The following ADI1 variants were observed in gnomAD, a reference collection of about 807,000 sequenced individuals.
ADI1 encodes acireductone dioxygenase 1.
In ADI1, 21 loss-of-function variants were observed where a neutral mutation model predicts 18.7. That is an observed-to-expected ratio of 1.13 (90% CI 0.80 to 1.62). ADI1 has a LOEUF of 1.62. Ranked by LOEUF, ADI1 falls within the 40% of genes most tolerant of loss-of-function variation. The probability of loss-of-function intolerance (pLI) is 0.00; values close to 1 mark genes in which losing one functional copy is unlikely to be tolerated. For missense variants in ADI1, 245 were observed against 254.9 expected, an observed-to-expected ratio of 0.96 and a Z score of 0.26; for synonymous variants, 90 against 100.1, an observed-to-expected ratio of 0.90 and a Z score of 0.60.
chr2:3,517,622 C>T (rs1225111466), intron 1 of ADI1: 3 of 152,054 alleles, frequency 2.0e-5, no homozygotes, highest in East Asian at 1.9e-4. Flanking sequence ...AAAATTAGCC[C>T]GGCATGGTGC....
chr2:3,519,176 G>T, intron 1 of ADI1, 192 bp downstream of exon 1: 1 of 788,080 alleles, frequency 1.3e-6, no homozygotes, highest in Non-Finnish European at 1.8e-6. Flanking sequence ...TGACCACCCA[G>T]CCCCACTGCT....
intron 2 of ADI1, among the ~76,000 whole-genome samples, chr2:3,512,517 G>A (rs1667312286): frequency 6.6e-6 from 1 of 152,170 alleles, no homozygotes; most frequent in Non-Finnish European, 1.5e-5. Flanking sequence ...AGATCAAAAG[G>A]GCCCAGGTAC....
rs777196905 is a variant in ADI1, at chr2:3,498,694, T to G, written c.*269A>C. On this transcript the variant is annotated 3_prime_UTR_variant, in exon 4 of 4. Coordinates refer to ENST00000327435, the MANE Select transcript of ADI1 (RefSeq NM_018269.4). ...GCATTTCGGGAGATGAAACTTTCAT[T>G]TGGGACTCAACTGAATGCATGAACT... 10 of 363,736 alleles carry G rather than the reference T, an allele frequency of 2.7e-5. No individual in the cohort carries two copies. Among genetic ancestry groups the G allele is most frequent in the African/African-American group, 1.9e-4 (9 of 47,972 alleles). 22.5% of individuals were successfully genotyped at this position (363,736 alleles called of 1,614,324 possible). A position where few individuals can be genotyped will look rare whatever the true frequency, so the allele number is the denominator to read the frequency against.
intron 1 of ADI1, among the ~76,000 whole-genome samples, chr2:3,519,011 C>T (rs1444184447): frequency 3.3e-5 from 5 of 151,536 alleles, no homozygotes; most frequent in African/African-American, 1.2e-4. Flanking sequence ...GCTGAGCATG[C>T]GCAGCCCACC....
At chr2:3,511,735 C>G (rs896340938) in intron 2 of ADI1, among the ~76,000 whole-genome samples, 1 of 152,100 alleles carries the variant, frequency 6.6e-6, no homozygotes, top group East Asian at 1.9e-4. Flanking sequence ...CAGAAGGAGA[C>G]AGGAAGATGA....
At chr2:3,509,866 G>A (rs977024728) in intron 2 of ADI1, among the ~76,000 whole-genome samples, 3 of 151,522 alleles carry the variant, frequency 2.0e-5, no homozygotes, top group Non-Finnish European at 2.9e-5. Flanking sequence ...TAGGCAGGCC[G>A]GGTGCGGTGG....
chr2:3,514,420 T>C (rs920763964), intron 1 of ADI1, among the ~76,000 whole-genome samples: 3 of 152,180 alleles, frequency 2.0e-5, no homozygotes, highest in Admixed American at 6.5e-5. Flanking sequence ...CAAATAAAAC[T>C]CAAGTTAATT....
Position 3,509,852 on chromosome 2 carries a change from A to AT in ADI1, c.240+4004_240+4005insA, listed in dbSNP as rs911737027. 2.0e-4 allele frequency among the ~76,000 whole-genome samples: 31 copies of AT among 151,766 alleles called. 1 individual carries two copies. In the East Asian group the frequency reaches 5.8e-3, roughly 28 times the overall value. On this transcript the variant is annotated intron_variant, in intron 2 of 3. Transcript: ENST00000327435. ...GCTACAAAAAATTAAAAAAAAAAAA[A>AT]AATTAGGCAGGCCGGGTGCGGTGGC...
Position 3,519,391 on chromosome 2 carries a change from G to T in ADI1, c.97C>A (p.Arg33=). 1 of 1,426,262 alleles carries T rather than the reference G, an allele frequency of 7.0e-7. No individual in the cohort carries two copies. Among genetic ancestry groups the T allele is most frequent in the Non-Finnish European group, 9.1e-7 (1 of 1,097,192 alleles). The allele number at this position is 1,426,262 out of a possible 1,614,324, so 88.4% of individuals were successfully genotyped here. A position where few individuals can be genotyped will look rare whatever the true frequency, so the allele number is the denominator to read the frequency against. The change falls in exon 1 of 4, where the codon CGG becomes AGG. Residue 33 remains arginine, a synonymous_variant. Transcript: ENST00000327435. ...GRPVGLEQLR[R]LGVLYWKLDA... Reference sequence around the variant, plus strand: ...ACCTTCCAGTAGAGCACCCCGAGCCGCCGCAGCTGCTCCAGGCCCACTGGG... The same window carrying T: ...ACCTTCCAGTAGAGCACCCCGAGCCTCCGCAGCTGCTCCAGGCCCACTGGG...
At chr2:3,500,608 G>T (rs896641496) in intron 3 of ADI1, 2 of 672,242 alleles carry the variant, frequency 3.0e-6, no homozygotes, top group South Asian at 3.8e-5. Context: ...TCGCAGGCAG[G>T]GGCCACGGAG....
In ADI1 at chr2:3,519,359, C is replaced by T. The variant is rs909460430; in HGVS notation, c.120+9G>A. The T allele has an allele frequency of 1.4e-6, 2 of 1,426,914 alleles. No individual in the cohort carries two copies. Among genetic ancestry groups the T allele is most frequent in the Admixed American group, 5.9e-5 (2 of 33,678 alleles). 88.4% of individuals were successfully genotyped at this position (1,426,914 alleles called of 1,614,324 possible). A position where few individuals can be genotyped will look rare whatever the true frequency, so the allele number is the denominator to read the frequency against. ...GCCCGCACGCTCTGCGAGGCTTGGG[C>T]TCGCGTACCTTCCAGTAGAGCACCC... On this transcript the variant is annotated intron_variant, in intron 1 of 3. Transcript: ENST00000327435.
intron 1 of ADI1, chr2:3,515,335 G>T (rs928523562): frequency 6.5e-6 from 1 of 153,774 alleles, no homozygotes; most frequent in Non-Finnish European, 1.4e-5. Context: ...TGTCTTATGC[G>T]GTTGAGATAA....
At chr2:3,514,697 T>G in intron 1 of ADI1, 1 of 1,384,784 alleles carries the variant, frequency 7.2e-7, no homozygotes, top group Non-Finnish European at 9.7e-7. Flanking sequence ...AGCACTTCCC[T>G]GATGAAGCTC....
rs1246559630 is a variant in ADI1, at chr2:3,498,963, C to A, written c.540G>T (p.Ter180TyrextTer32). The part of the protein sequence containing the change: ...QYVKFLAQTA[*>Y] ...ACGTGTTAGTTCCCAGGCAGCACTG[C>A]TAGGCGGTCTGTGCCAGAAATTTCA... Residue 180 changes from the stop codon to tyrosine, a stop_lost, in exon 4 of 4, where the codon TAG becomes TAT. Transcript: ENST00000327435. The A allele has an allele frequency of 6.2e-7, 1 of 1,611,068 alleles. No individual in the cohort carries two copies. Among genetic ancestry groups the A allele is most frequent in the Admixed American group, 1.7e-5 (1 of 59,928 alleles).
rs747271341 is a variant in ADI1, at chr2:3,519,490, C to A, written c.-3G>T. ...TCCATATACCAGGCCTGCACCATGACGCGCAGTGCGGGTGCCGTGTTCGAA... is the reference window on the plus strand; with the variant it reads ...TCCATATACCAGGCCTGCACCATGAAGCGCAGTGCGGGTGCCGTGTTCGAA... On this transcript the variant is annotated 5_prime_UTR_variant, in exon 1 of 4. Coordinates refer to ENST00000327435, the MANE Select transcript of ADI1 (RefSeq NM_018269.4). 7.7e-7 allele frequency: 1 copy of A among 1,291,822 alleles called. No homozygotes were observed. Among genetic ancestry groups the A allele is most frequent in the Non-Finnish European group, 9.8e-7 (1 of 1,017,108 alleles). 80.0% of individuals were successfully genotyped at this position (1,291,822 alleles called of 1,614,324 possible). A position where few individuals can be genotyped will look rare whatever the true frequency, so the allele number is the denominator to read the frequency against.
chr2:3,518,755 C>T (rs1001928902), intron 1 of ADI1, among the ~76,000 whole-genome samples: 2 of 152,234 alleles, frequency 1.3e-5, no homozygotes, highest in African/African-American at 4.8e-5. Flanking sequence ...AACCCCTGGG[C>T]CTTTGACCGA....
At chr2:3,518,473 G>C (rs1240025638) in intron 1 of ADI1, among the ~76,000 whole-genome samples, 1 of 152,198 alleles carries the variant, frequency 6.6e-6, no homozygotes, top group Non-Finnish European at 1.5e-5. Context: ...CAAGGTGAGC[G>C]GATCTGGACT....
At chr2:3,504,854 C>A (rs1164401929) in intron 2 of ADI1, among the ~76,000 whole-genome samples, 1 of 150,976 alleles carries the variant, frequency 6.6e-6, no homozygotes, top group Non-Finnish European at 1.5e-5. Flanking sequence ...ATTGTTGGTT[C>A]ACCTGCGTAT....
intron 2 of ADI1, among the ~76,000 whole-genome samples, chr2:3,504,759 T>C (rs530246892): frequency 4.6e-5 from 7 of 152,312 alleles, no homozygotes; most frequent in East Asian, 1.9e-4. Flanking sequence ...CTGTGTATGT[T>C]TGTACTGTTT....
Sources: allele counts gnomAD v4.1 joint callset (sites outside exome capture counted in the v4.1 genomes callset), GRCh38; gene constraint gnomAD v4.1.1; transcripts MANE v1.5; gene names NCBI Gene and HGNC (gene_info 2026-07-23, HGNC 2026-07-21).